Variants in CSMD1 observed in about 807,000 individuals in gnomAD.
The protein encoded by CSMD1 is CUB and Sushi multiple domains 1, also known as CUB and sushi domain-containing protein 1.
In CSMD1, 213 loss-of-function variants were observed where a neutral mutation model predicts 417.5. The observed-to-expected ratio is 0.51, with a 90% CI of 0.46 to 0.57. The LOEUF (loss-of-function observed/expected upper bound fraction) is 0.57. CSMD1 is among the 20% of genes least tolerant of loss of function. The pLI is 0.00. For synonymous variants in CSMD1, 2,862 were observed against 1,736.8 expected (o/e 1.65, Z -16.11); for missense variants, 6,923 against 4,529.7 (o/e 1.53, Z -15.17).
In CSMD1 at chr8:4,439,165, T is replaced by G. The variant is rs184186860; in HGVS notation, c.303-19100A>C. Among the ~76,000 whole-genome samples, 279 of 152,306 alleles carry G rather than the reference T, an allele frequency of 1.8e-3. 1 individual carries two copies. Among genetic ancestry groups the G allele is most frequent in the African/African-American group, 6.5e-3 (271 of 41,572 alleles). On this transcript the variant is annotated intron_variant, in intron 2 of 69. Coordinates refer to ENST00000635120, the MANE Select transcript of CSMD1 (RefSeq NM_033225.6). ...TGTTACTGCTGTGGTAAAGATTATT[T>G]CAATTAAGTAAATGAGCCATTTTAT...
At chr8:3,039,869 G>C (rs936702129) in intron 50 of CSMD1, among the ~76,000 whole-genome samples, 1 of 152,120 alleles carries the variant, frequency 6.6e-6, no homozygotes, top group African/African-American at 2.4e-5. Context: ...ATTCATATTA[G>C]ATTTGCCGTC....
chr8:4,186,242 C>G (rs530192786), intron 3 of CSMD1, among the ~76,000 whole-genome samples: 1 of 152,284 alleles, frequency 6.6e-6, no homozygotes, highest in African/African-American at 2.4e-5. Flanking sequence ...TGTTGCCATA[C>G]TCACTGCAGC....
intron 10 of CSMD1, among the ~76,000 whole-genome samples, chr8:3,512,165 G>C (rs1474376712): frequency 1.3e-5 from 2 of 152,190 alleles, no homozygotes; most frequent in Non-Finnish European, 2.9e-5. Context: ...GTCCTTGGCA[G>C]AATTTCTTAC....
At chr8:3,364,482 C>T (rs1809419485) in intron 20 of CSMD1, among the ~76,000 whole-genome samples, 1 of 152,118 alleles carries the variant, frequency 6.6e-6, no homozygotes, top group Admixed American at 6.6e-5. Context: ...TGTTGGCTTG[C>T]TTGTTTGTGC....
intron 2 of CSMD1, among the ~76,000 whole-genome samples, chr8:4,586,111 G>T (rs184714746): frequency 1.3e-5 from 2 of 152,132 alleles, no homozygotes; most frequent in East Asian, 3.8e-4. Context: ...TGAGATCAGG[G>T]TAATTGGCTA....
chr8:4,875,196 T>C (rs968513661), intron 1 of CSMD1, among the ~76,000 whole-genome samples: 6 of 151,942 alleles, frequency 3.9e-5, no homozygotes, highest in Non-Finnish European at 4.4e-5. Flanking sequence ...CTCTGTACAG[T>C]AGTACTTTAA....
chr8:4,534,514 G>C (rs180828752), intron 2 of CSMD1, among the ~76,000 whole-genome samples: 1 of 152,110 alleles, frequency 6.6e-6, no homozygotes, highest in East Asian at 1.9e-4. Context: ...GTGTAGGATT[G>C]TTACATGGGT....
chr8:3,457,442 C>T (rs759023774), intron 12 of CSMD1, among the ~76,000 whole-genome samples: 18 of 152,160 alleles, frequency 1.2e-4, no homozygotes, highest in Non-Finnish European at 1.9e-4. Flanking sequence ...GCAGAAGAAA[C>T]GGAGCTCCAC....
intron 1 of CSMD1, among the ~76,000 whole-genome samples, chr8:4,840,573 G>C (rs891266212): frequency 6.6e-6 from 1 of 152,096 alleles, no homozygotes; most frequent in Non-Finnish European, 1.5e-5. Context: ...AAAATATGAA[G>C]AAATAAAACA....
rs548669213 is a variant in CSMD1, at chr8:4,430,429, C to T, written c.303-10364G>A. Among the ~76,000 whole-genome samples the T allele has an allele frequency of 4.6e-5, 7 of 152,064 alleles. No homozygotes were observed. In the East Asian group the frequency reaches 5.8e-4, roughly 13 times the overall value. ...GGTTATGACATAGTCTACCTTCTCC[C>T]GGGACCCTGAGAGGAATTTCATTTG... is the stretch of plus-strand genomic sequence containing the variant. On this transcript the variant is annotated intron_variant, in intron 2 of 69. Coordinates refer to ENST00000635120, the MANE Select transcript of CSMD1 (RefSeq NM_033225.6).
At position 4,146,593 on chromosome 8, in the gene CSMD1, C is replaced by CTTTTTTTTTTTT. The variant is rs1208930261; in HGVS notation, c.416-114495_416-114494insAAAAAAAAAAAA. Among the ~76,000 whole-genome samples, 498 of 90,660 alleles carry CTTTTTTTTTTTT rather than the reference C, an allele frequency of 5.5e-3. 179 individuals are homozygous for CTTTTTTTTTTTT. Among genetic ancestry groups the CTTTTTTTTTTTT allele is most frequent in the Middle Eastern group, 0.014 (2 of 140 alleles). The allele number at this position is 90,660 out of a possible 152,430, so 59.5% of individuals were successfully genotyped here. A position where few individuals can be genotyped will look rare whatever the true frequency, so the allele number is the denominator to read the frequency against. ...ATCTGTCTAAATGTTTATATGGACA[C>CTTTTTTTTTTTT]ATTTTTTTTTTTTTTTTTTTTTTTT... On this transcript the variant is annotated intron_variant, in intron 3 of 69. Transcript: ENST00000635120.
At chr8:4,443,994 A>C in intron 2 of CSMD1, among the ~76,000 whole-genome samples, 1 of 152,126 alleles carries the variant, frequency 6.6e-6, no homozygotes, top group East Asian at 1.9e-4. Flanking sequence ...GTACAAACGG[A>C]GTAAGAATGG....
At chr8:4,513,895 G>C (rs1050832909) in intron 2 of CSMD1, among the ~76,000 whole-genome samples, 1 of 152,148 alleles carries the variant, frequency 6.6e-6, no homozygotes, top group Non-Finnish European at 1.5e-5. Context: ...GTGGTTCCTA[G>C]GTATTGCTAA....
chr8:3,618,722 C>T (rs1337252861), intron 7 of CSMD1, among the ~76,000 whole-genome samples: 2 of 152,070 alleles, frequency 1.3e-5, no homozygotes, highest in Non-Finnish European at 2.9e-5. Context: ...GTAAAAAAAT[C>T]TGTAACAACC....
At chr8:4,639,774 A>G (rs1803082208) in intron 1 of CSMD1, among the ~76,000 whole-genome samples, 1 of 152,220 alleles carries the variant, frequency 6.6e-6, no homozygotes, top group Admixed American at 6.5e-5. Context: ...AATCATTCAC[A>G]GTAATATTAT....
chr8:3,847,829 G>C (rs1803613127), intron 5 of CSMD1, among the ~76,000 whole-genome samples: 1 of 152,086 alleles, frequency 6.6e-6, no homozygotes, highest in African/African-American at 2.4e-5. Flanking sequence ...ACCTCATCTT[G>C]ACTGATTTAG....
In CSMD1 at chr8:3,173,631, G is replaced by A. The variant is rs369322486; in HGVS notation, c.5725+7479C>T. Among the ~76,000 whole-genome samples the A allele has an allele frequency of 2.6e-4, 39 of 152,328 alleles. No individual in the cohort carries two copies. The East Asian group carries it at 5.0e-3, about 20-fold the overall frequency. On this transcript the variant is annotated intron_variant, in intron 37 of 69. Transcript: ENST00000635120. ...TTATTACACTATTGGATGAATGCTGGTTTATATGGTCCTTCCTCTGTTGGA... is the reference window on the plus strand; with the variant it reads ...TTATTACACTATTGGATGAATGCTGATTTATATGGTCCTTCCTCTGTTGGA...
In CSMD1 at chr8:4,941,964, G is replaced by C. The variant is rs373499176; in HGVS notation, c.85+52368C>G. On this transcript the variant is annotated intron_variant, in intron 1 of 69. Transcript: ENST00000635120. ...AGTTTTTATCTGCTTCTTCCAGTGA[G>C]TATGTGTTGTTTTTAAAAGTCATTT... 8.5e-5 allele frequency among the ~76,000 whole-genome samples: 13 copies of C among 152,252 alleles called. No homozygotes were observed. The South Asian group carries it at 2.3e-3, about 27-fold the overall frequency.
At chr8:3,558,814 C>G (rs1436195110) in intron 10 of CSMD1, among the ~76,000 whole-genome samples, 2 of 150,842 alleles carry the variant, frequency 1.3e-5, no homozygotes, top group African/African-American at 4.9e-5. Flanking sequence ...TCAATAGCAC[C>G]TCGTGTCCAC....
Sources: allele counts gnomAD v4.1 joint callset (sites outside exome capture counted in the v4.1 genomes callset), GRCh38; gene constraint gnomAD v4.1.1; transcripts MANE v1.5; gene names NCBI Gene and HGNC (gene_info 2026-07-23, HGNC 2026-07-21).